PPCDC: variants seen among roughly 807,000 people sequenced by gnomAD.
The protein encoded by PPCDC is phosphopantothenoylcysteine decarboxylase.
In PPCDC, 20 loss-of-function variants were observed where a neutral mutation model predicts 20.7. The ratio of observed to expected loss-of-function variants is 0.97; its 90% confidence interval spans 0.68 to 1.41. The LOEUF is 1.41. Among genes scored for constraint, PPCDC ranks in the 40% most tolerant of loss-of-function variants. PPCDC has a pLI of 0.00. For synonymous variants in PPCDC, 88 were observed against 100.3 expected, an observed-to-expected ratio of 0.88 and a Z score of 0.73; for missense variants, 246 against 263.8, an observed-to-expected ratio of 0.93 and a Z score of 0.47.
Position 75,028,519 on chromosome 15 carries a change from C to A in PPCDC, c.135+66C>A, listed in dbSNP as rs1321379453. The A allele has an allele frequency of 8.8e-6, 14 of 1,590,700 alleles. No homozygotes were observed. In the Admixed American group the frequency reaches 2.2e-4, roughly 25 times the overall value. ...GGGAGGCCGGTGCTCCCGGGGATGG[C>A]CCATTGCTCTGCAGTACATGCAATT... On this transcript the variant is annotated intron_variant, in intron 2 of 5. Coordinates refer to ENST00000342932, the MANE Select transcript of PPCDC (RefSeq NM_021823.5).
intron 4 of PPCDC, among the ~76,000 whole-genome samples, chr15:75,047,390 C>T (rs1567067252): frequency 6.6e-6 from 1 of 152,224 alleles, no homozygotes; most frequent in Admixed American, 6.5e-5. Flanking sequence ...TGCTTCCTCC[C>T]TGTCCCTGGG....
At chr15:75,028,108 T>C (rs749779653) in intron 1 of PPCDC, 139 bp from the exon 2 acceptor site, 1 of 595,208 alleles carries the variant, frequency 1.7e-6, no homozygotes, top group Non-Finnish European at 2.9e-6. Context: ...CACTTTCTTA[T>C]CAAACTGTGT....
At chr15:75,032,766 A>G (rs1046226083) in intron 2 of PPCDC, among the ~76,000 whole-genome samples, 44 of 117,866 alleles carry the variant, frequency 3.7e-4, no homozygotes, top group Non-Finnish European at 6.1e-4. Context: ...CTGTTTTTGT[A>G]TAGCCTACAG....
chr15:75,036,729 G>A (rs1567054499), intron 2 of PPCDC, among the ~76,000 whole-genome samples: 2 of 152,174 alleles, frequency 1.3e-5, no homozygotes, highest in Non-Finnish European at 2.9e-5. Context: ...TGACGGTGTA[G>A]GGAAGGAAGA....
intron 2 of PPCDC, among the ~76,000 whole-genome samples, chr15:75,031,015 G>C (rs1483770837): frequency 6.6e-6 from 1 of 152,146 alleles, no homozygotes; most frequent in African/African-American, 2.4e-5. Flanking sequence ...GGGCAGGTGG[G>C]CAACCGTGTC....
At chr15:75,043,352 C>A in intron 2 of PPCDC, 89 bp from the exon 3 acceptor site, 1 of 1,138,772 alleles carries the variant, frequency 8.8e-7, no homozygotes, top group Non-Finnish European at 1.3e-6. Context: ...CAGCACCTGC[C>A]TGCCCTGACC....
chr15:75,029,545 C>T (rs1189123055), intron 2 of PPCDC, among the ~76,000 whole-genome samples: 1 of 152,144 alleles, frequency 6.6e-6, no homozygotes, highest in East Asian at 1.9e-4. Flanking sequence ...TACTTTCCAC[C>T]AACTTCCACC....
At chr15:75,041,155 C>A (rs972595747) in intron 2 of PPCDC, among the ~76,000 whole-genome samples, 1 of 152,332 alleles carries the variant, frequency 6.6e-6, no homozygotes, top group Non-Finnish European at 1.5e-5. Flanking sequence ...AGAGACAGGG[C>A]CTTCAGCATG....
chr15:75,031,663 C>G (rs1010936001), intron 2 of PPCDC, among the ~76,000 whole-genome samples: 10 of 152,152 alleles, frequency 6.6e-5, no homozygotes, highest in African/African-American at 2.4e-4. Context: ...GAGATCATGC[C>G]ACTGCACTCC....
intron 2 of PPCDC, among the ~76,000 whole-genome samples, chr15:75,036,914 G>T (rs901283865): frequency 6.6e-6 from 1 of 151,928 alleles, no homozygotes; most frequent in Non-Finnish European, 1.5e-5. Flanking sequence ...CAAGCAATCC[G>T]CCCGTCTCTG....
intron 3 of PPCDC, 173 bp downstream of exon 3, chr15:75,043,709 G>A: frequency 1.6e-6 from 1 of 622,630 alleles, no homozygotes; most frequent in Non-Finnish European, 2.8e-6. Context: ...CTTCTGGCCT[G>A]CAGGAGGCCC....
chr15:75,040,636 T>C (rs2066141328), intron 2 of PPCDC, among the ~76,000 whole-genome samples: 1 of 152,102 alleles, frequency 6.6e-6, no homozygotes, highest in Admixed American at 6.5e-5. Flanking sequence ...TCTTATTTAA[T>C]GCTTGCTTGC....
intron 4 of PPCDC, 102 bp downstream of exon 4, chr15:75,044,616 G>A (rs1342120673): frequency 2.4e-5 from 35 of 1,455,286 alleles, no homozygotes; most frequent in Admixed American, 4.3e-5. Flanking sequence ...GTGGGGCCCC[G>A]GTCTGCCCAG....
chr15:75,041,244 A>C (rs2066149491), intron 2 of PPCDC, among the ~76,000 whole-genome samples: 1 of 152,196 alleles, frequency 6.6e-6, no homozygotes, highest in South Asian at 2.1e-4. Flanking sequence ...GGGATAATGC[A>C]GCCCTGCTCA....
At chr15:75,030,436 G>A (rs2141477472) in intron 2 of PPCDC, among the ~76,000 whole-genome samples, 1 of 152,374 alleles carries the variant, frequency 6.6e-6, no homozygotes. Flanking sequence ...AGCCATGGAA[G>A]CCACAGTTCA....
chr15:75,030,047 C>T (rs1433708983), intron 2 of PPCDC, among the ~76,000 whole-genome samples: 3 of 152,274 alleles, frequency 2.0e-5, no homozygotes, highest in South Asian at 4.1e-4. Context: ...TAGCCTGGGC[C>T]CCATGGGATG....
chr15:75,026,536 T>C (rs1436294092), intron 1 of PPCDC, among the ~76,000 whole-genome samples: 1 of 152,186 alleles, frequency 6.6e-6, no homozygotes, highest in African/African-American at 2.4e-5. Flanking sequence ...CAGCCAAACA[T>C]GATCCTCAGC....
At chr15:75,035,989 A>G (rs1341393793) in intron 2 of PPCDC, among the ~76,000 whole-genome samples, 2 of 151,988 alleles carry the variant, frequency 1.3e-5, no homozygotes, top group East Asian at 3.8e-4. Context: ...AAAAAGGAAA[A>G]AAACTTTTTT....
intron 2 of PPCDC, among the ~76,000 whole-genome samples, chr15:75,040,356 G>A (rs1222643772): frequency 1.3e-5 from 2 of 152,220 alleles, no homozygotes; most frequent in Non-Finnish European, 2.9e-5. Context: ...GGGATTACAG[G>A]CGTGAGCCAC....
Sources: allele counts gnomAD v4.1 joint callset (sites outside exome capture counted in the v4.1 genomes callset), GRCh38; gene constraint gnomAD v4.1.1; transcripts MANE v1.5; gene names NCBI Gene and HGNC (gene_info 2026-07-23, HGNC 2026-07-21).